EYA4: variants seen among roughly 807,000 people sequenced by gnomAD.
EYA4 encodes the protein EYA transcriptional coactivator and phosphatase 4, also known as protein phosphatase EYA4.
EYA4 carries 31 observed loss-of-function variants against 87.9 expected under a neutral mutation model. That is an observed-to-expected ratio of 0.35 (90% CI 0.27 to 0.48). The LOEUF (loss-of-function observed/expected upper bound fraction) is 0.48, where lower values mean the gene tolerates loss of function less well. Among genes scored for constraint, EYA4 ranks in the 20% least tolerant of loss-of-function variants. The pLI, the probability that EYA4 is intolerant of heterozygous loss-of-function variation, is 0.99. For missense variants in EYA4, 678 were observed against 761.4 expected (o/e 0.89, Z 1.29); for synonymous variants, 263 against 270.6 (o/e 0.97, Z 0.28).
chr6:133,432,503 T>C (rs1791275146), intron 3 of EYA4, among the ~76,000 whole-genome samples: 1 of 151,398 alleles, frequency 6.6e-6, no homozygotes, highest in Non-Finnish European at 1.5e-5. Context: ...TTTTTTTTTT[T>C]CATGGAGACT....
intron 3 of EYA4, among the ~76,000 whole-genome samples, chr6:133,424,462 T>G (rs1331028303): frequency 6.6e-6 from 1 of 151,940 alleles, no homozygotes; most frequent in East Asian, 2.0e-4. Flanking sequence ...GCTCTGATCT[T>G]GGAGCAGGTG....
At chr6:133,381,596 G>A (rs1786229237) in intron 2 of EYA4, among the ~76,000 whole-genome samples, 1 of 152,014 alleles carries the variant, frequency 6.6e-6, no homozygotes, top group Admixed American at 6.6e-5. Flanking sequence ...CAGAAATAGT[G>A]GGCTTATAAA....
At chr6:133,457,646 A>G (rs1481748838) in intron 6 of EYA4, among the ~76,000 whole-genome samples, 1 of 152,174 alleles carries the variant, frequency 6.6e-6, no homozygotes, top group Non-Finnish European at 1.5e-5. Flanking sequence ...TAGTACTCCA[A>G]GAAAGAAATA....
intron 17 of EYA4, among the ~76,000 whole-genome samples, chr6:133,522,257 T>G (rs2128810340): frequency 1.6e-5 from 1 of 62,938 alleles, no homozygotes; most frequent in South Asian, 8.2e-4. Context: ...TGTGCCATGT[T>G]GGTGTGCTAT....
intron 5 of EYA4, among the ~76,000 whole-genome samples, chr6:133,452,483 A>G (rs149059111): frequency 6.6e-6 from 1 of 152,298 alleles, no homozygotes; most frequent in East Asian, 1.9e-4. Flanking sequence ...CATTAATGTT[A>G]TACTTAACTT....
chr6:133,445,348 C>T (rs1792711912), intron 3 of EYA4, among the ~76,000 whole-genome samples: 1 of 152,002 alleles, frequency 6.6e-6, no homozygotes, highest in Admixed American at 6.6e-5. Flanking sequence ...TTATATTTAC[C>T]TATATATTTA....
intron 19 of EYA4, among the ~76,000 whole-genome samples, chr6:133,526,637 A>T (rs552862153): frequency 6.6e-6 from 1 of 152,274 alleles, no homozygotes; most frequent in South Asian, 2.1e-4. Context: ...ATGACCCAAG[A>T]CAGCACACTA....
chr6:133,326,721 C>T (rs1436935482), intron 2 of EYA4, among the ~76,000 whole-genome samples: 1 of 152,200 alleles, frequency 6.6e-6, no homozygotes, highest in Non-Finnish European at 1.5e-5. Flanking sequence ...GATTGTTCCC[C>T]AGAGTCCTGG....
chr6:133,299,893 T>C lies in EYA4; in HGVS notation c.33+25080T>C, dbSNP rs935780622. Among the ~76,000 whole-genome samples the C allele has an allele frequency of 4.0e-5, 6 of 149,974 alleles. No homozygotes were observed. In the East Asian group the frequency reaches 9.8e-4, roughly 24 times the overall value. On this transcript the variant is annotated intron_variant, in intron 2 of 19. Transcript: ENST00000355286. ...TAACTTTATATATATACACACACAC[T>C]TATATACATATACATATGTATATAT...
chr6:133,395,016 A>C (rs1410774662), intron 3 of EYA4, among the ~76,000 whole-genome samples: 2 of 152,218 alleles, frequency 1.3e-5, no homozygotes, highest in Non-Finnish European at 2.9e-5. Flanking sequence ...TTTATATACA[A>C]AATGATCCCA....
intron 3 of EYA4, among the ~76,000 whole-genome samples, chr6:133,424,361 G>A (rs373329277): frequency 5.9e-5 from 9 of 152,310 alleles, no homozygotes; most frequent in East Asian, 3.9e-4. Flanking sequence ...TGGCCTGAAA[G>A]TGGGGCCTTA....
chr6:133,292,064 A>G (rs1254179363), intron 2 of EYA4, among the ~76,000 whole-genome samples: 1 of 152,130 alleles, frequency 6.6e-6, no homozygotes, highest in Non-Finnish European at 1.5e-5. Flanking sequence ...AAATCCTAAG[A>G]GGTATTTAAA....
At chr6:133,420,323 A>G (rs1790110357) in intron 3 of EYA4, among the ~76,000 whole-genome samples, 1 of 152,204 alleles carries the variant, frequency 6.6e-6, no homozygotes, top group Non-Finnish European at 1.5e-5. Context: ...CTTGTGTAAA[A>G]TGTAGGTTTT....
At chr6:133,390,638 G>C (rs532232903) in intron 3 of EYA4, among the ~76,000 whole-genome samples, 2 of 152,076 alleles carry the variant, frequency 1.3e-5, no homozygotes, top group African/African-American at 4.8e-5. Flanking sequence ...AACATTCTAG[G>C]AAAAAATATA....
In EYA4 at chr6:133,356,789, GTGTATATATA is replaced by G. The variant is rs1218449365; in HGVS notation, c.34-25601_34-25592del. 1.8e-4 allele frequency among the ~76,000 whole-genome samples: 15 copies of G among 85,538 alleles called. No individual in the cohort carries two copies. The South Asian group carries it at 1.8e-3, about 10-fold the overall frequency. The allele number at this position is 85,538 out of a possible 152,430, so 56.1% of individuals were successfully genotyped here. A position where few individuals can be genotyped will look rare whatever the true frequency, so the allele number is the denominator to read the frequency against. On this transcript the variant is annotated intron_variant, in intron 2 of 19. Transcript: ENST00000355286. ...TGTGTGTGTGTGTGTGTGTGTGTGTGTGTATATATATATTTTATTTTTATTTTTTTTGAGA... is the reference window on the plus strand; with the variant it reads ...TGTGTGTGTGTGTGTGTGTGTGTGTGTATTTTATTTTTATTTTTTTTGAGA...
intron 1 of EYA4, among the ~76,000 whole-genome samples, chr6:133,253,885 C>G (rs61210342): frequency 6.6e-6 from 1 of 152,020 alleles, no homozygotes; most frequent in Non-Finnish European, 1.5e-5. Context: ...TTTTTCCCTC[C>G]GTAACCTCAA....
At chr6:133,431,667 T>A (rs76524044) in intron 3 of EYA4, among the ~76,000 whole-genome samples, 9,034 of 152,208 alleles carry the variant, frequency 0.059, 466 homozygotes, top group East Asian at 0.23. Flanking sequence ...TTGAGATCAG[T>A]CTCCTTAAAA....
intron 1 of EYA4, among the ~76,000 whole-genome samples, chr6:133,249,416 A>G (rs1774699818): frequency 6.6e-6 from 1 of 152,232 alleles, no homozygotes; most frequent in African/African-American, 2.4e-5. Context: ...AAGATATTCA[A>G]CCACATTTGT....
intron 2 of EYA4, among the ~76,000 whole-genome samples, chr6:133,336,998 A>G (rs930317266): frequency 6.6e-6 from 1 of 152,210 alleles, no homozygotes. Flanking sequence ...GCTGTTGGGT[A>G]AATCTTTCAC....
Sources: gnomAD v4.1 joint callset for allele counts (sites outside exome capture counted in the v4.1 genomes callset) on GRCh38, gnomAD v4.1.1 for gene constraint, MANE v1.5 for transcripts, NCBI Gene and HGNC (gene_info 2026-07-23, HGNC 2026-07-21) for gene names.